Variants in TSN observed in about 807,000 individuals in gnomAD.
TSN encodes translin, also known as component 3 of promoter of RISC.
A neutral mutation model predicts 29.4 loss-of-function variants in TSN; 5 were observed. That is an observed-to-expected ratio of 0.17 (90% CI 0.09 to 0.36). TSN has a LOEUF of 0.36. Among genes scored for constraint, TSN ranks in the 10% least tolerant of loss-of-function variants. The pLI is 1.00. For synonymous variants in TSN, 106 were observed against 102.2 expected (o/e 1.04, Z -0.23); for missense variants, 159 against 272.8 (o/e 0.58, Z 2.94).
At chr2:121,756,136 A>G (rs1237147930) in intron 1 of TSN, 3 of 496,440 alleles carry the variant, frequency 6.0e-6, no homozygotes, top group Non-Finnish European at 1.1e-5. Context: ...CCTGGTCTTC[A>G]GCGAATGAGC....
At chr2:121,764,097 C>G (rs2074871358) in intron 5 of TSN, among the ~76,000 whole-genome samples, 1 of 152,186 alleles carries the variant, frequency 6.6e-6, no homozygotes. Flanking sequence ...GTACACACAA[C>G]TTCTGTTAAC....
intron 3 of TSN, 97 bp from the exon 4 acceptor site, chr2:121,761,312 A>G: frequency 1.3e-6 from 1 of 777,748 alleles, no homozygotes; most frequent in Non-Finnish European, 2.2e-6. Flanking sequence ...TATTTGAAAA[A>G]TGATCGCATT....
At chr2:121,763,146 T>TTC in intron 5 of TSN, 62 bp downstream of exon 5, 2 of 1,318,298 alleles carry the variant, frequency 1.5e-6, no homozygotes, top group East Asian at 2.5e-5. Context: ...AGTTTTTTTT[T>TTC]TTTTTTTTTT....
At position 121,766,717 on chromosome 2, in the gene TSN, A is replaced by G. The variant is rs2074907667; in HGVS notation, c.*1350A>G. ...AGTTATTTTGCACCCACTGAAAGGAAAGTGCTTTCCAGAATAATATGAAGT... is the reference window on the plus strand; with the variant it reads ...AGTTATTTTGCACCCACTGAAAGGAGAGTGCTTTCCAGAATAATATGAAGT... On this transcript the variant is annotated 3_prime_UTR_variant, in exon 6 of 6. Coordinates refer to ENST00000389682, the MANE Select transcript of TSN (RefSeq NM_004622.3). 1 of 152,236 alleles carries G rather than the reference A, an allele frequency of 6.6e-6. No individual in the cohort carries two copies. Among genetic ancestry groups the G allele is most frequent in the South Asian group, 2.1e-4 (1 of 4,836 alleles). The allele number at this position is 152,236 out of a possible 1,614,324, so 9.4% of individuals were successfully genotyped here.
In TSN at chr2:121,763,387, C is replaced by T. The variant is rs113342008; in HGVS notation, c.453+303C>T. 7.9e-3 allele frequency among the ~76,000 whole-genome samples: 1,204 copies of T among 152,196 alleles called. 21 individuals are homozygous for T. The highest frequency in any genetic ancestry group is 0.039 in the Admixed American group (601 of 15,276). ...GTCTCGATCTCCTGACCTCGTGATC[C>T]GCCCACCTTGGCCTCCCAGAGTGCT... On this transcript the variant is annotated intron_variant, in intron 5 of 5. Transcript: ENST00000389682.
At chr2:121,757,364 G>A (rs1156651691) in intron 2 of TSN, 31 bp downstream of exon 2, 2 of 1,613,530 alleles carry the variant, frequency 1.2e-6, no homozygotes, top group South Asian at 2.2e-5. Context: ...CCAATTATCA[G>A]TCTCTTATTT....
chr2:121,761,627 C>G, intron 4 of TSN, 103 bp downstream of exon 4: 1 of 854,802 alleles, frequency 1.2e-6, no homozygotes, highest in Non-Finnish European at 2.0e-6. Flanking sequence ...CAAGAATTAA[C>G]TAAAAACCAC....
intron 1 of TSN, chr2:121,756,768 G>C (rs2074755239): frequency 4.6e-6 from 2 of 435,968 alleles, no homozygotes; most frequent in African/African-American, 4.3e-5. Context: ...CATTAACTGG[G>C]CATGGTTGCG....
In TSN at chr2:121,767,655, G is replaced by A. The variant is rs368810580; in HGVS notation, c.*2288G>A. On this transcript the variant is annotated 3_prime_UTR_variant, in exon 6 of 6. Transcript: ENST00000389682. ...GAAGAGAACCAGCCATATACACTTG[G>A]GGAGATTTGCCACATCTTAAACTTG... is the stretch of plus-strand genomic sequence containing the variant. 1.3e-5 allele frequency: 2 copies of A among 152,036 alleles called. No individual in the cohort carries two copies. Among genetic ancestry groups the A allele is most frequent in the East Asian group, 3.9e-4 (2 of 5,160 alleles). 9.4% of individuals were successfully genotyped at this position (152,036 alleles called of 1,614,324 possible). A position where few individuals can be genotyped will look rare whatever the true frequency, so the allele number is the denominator to read the frequency against.
chr2:121,756,427 G>T, intron 1 of TSN: 1 of 249,200 alleles, frequency 4.0e-6, no homozygotes, highest in Non-Finnish European at 8.8e-6. Context: ...CAGTCTAAGC[G>T]ATCTATTTCC....
intron 4 of TSN, among the ~76,000 whole-genome samples, chr2:121,762,759 A>T (rs1288991652): frequency 6.6e-6 from 1 of 152,222 alleles, no homozygotes; most frequent in Non-Finnish European, 1.5e-5. Context: ...CAAGAAGTAT[A>T]TTCTGTGACA....
chr2:121,764,340 T>TA (rs2074874723), intron 5 of TSN, among the ~76,000 whole-genome samples: 1 of 152,286 alleles, frequency 6.6e-6, no homozygotes, highest in East Asian at 1.9e-4. Flanking sequence ...CACAGTCGCT[T>TA]ACGCTTGTAA....
intron 1 of TSN, chr2:121,756,444 GTT>G (rs2074749303): frequency 8.0e-6 from 2 of 251,218 alleles, no homozygotes; most frequent in African/African-American, 4.8e-5. Context: ...TTCCTGTTAT[GTT>G]TTCTAGTAGC....
At chr2:121,756,095 G>T in intron 1 of TSN, 1 of 732,990 alleles carries the variant, frequency 1.4e-6, no homozygotes, top group Non-Finnish European at 2.1e-6. Context: ...CTTCTTTTCA[G>T]CACTTGTTTA....
Position 121,760,452 on chromosome 2 carries a change from TG to T in TSN, c.258-955del, listed in dbSNP as rs1332037696. On this transcript the variant is annotated intron_variant, in intron 3 of 5. Transcript: ENST00000389682. ...TGGGGTCTTTAGAGACCATCTTCTC[TG>T]GAGGTCACACACAGGCTGCCCTCTG... Among the ~76,000 whole-genome samples the T allele has an allele frequency of 2.0e-5, 3 of 152,206 alleles. No individual in the cohort carries two copies. The East Asian group carries it at 5.8e-4, about 29-fold the overall frequency.
At chr2:121,759,919 G>T (rs1435186300) in intron 3 of TSN, among the ~76,000 whole-genome samples, 1 of 152,160 alleles carries the variant, frequency 6.6e-6, no homozygotes, top group African/African-American at 2.4e-5. Context: ...TCCCAGATAA[G>T]AATATGTAAC....
chr2:121,765,320 A>C lies in TSN; in HGVS notation c.640A>C (p.Ile214Leu). ...AGAGGAAGTGGTCTATGATCTCTCC[A>C]TCCGGGGCTTTAATAAGGAGACGGC... ...KVEEVVYDLS[I>L]RGFNKETAAA... The change falls in exon 6 of 6, where the codon ATC becomes CTC. Residue 214 changes from isoleucine (I) to leucine (L), a missense_variant. Transcript: ENST00000389682. 6.2e-7 allele frequency: 1 copy of C among 1,614,242 alleles called. No homozygotes were observed. Among genetic ancestry groups the C allele is most frequent in the Non-Finnish European group, 8.5e-7 (1 of 1,180,040 alleles).
chr2:121,756,642 T>G (rs750680461), intron 1 of TSN: 2 of 1,297,950 alleles, frequency 1.5e-6, no homozygotes, highest in African/African-American at 3.1e-5. Context: ...CGGCGCCTCA[T>G]GCCTGTAATT....
chr2:121,755,886 C>T lies in TSN; in HGVS notation c.66+41C>T, dbSNP rs760616742. 3.1e-6 allele frequency: 5 copies of T among 1,612,528 alleles called. No individual in the cohort carries two copies. The African/African-American group carries it at 5.3e-5, about 17-fold the overall frequency. ...TCCCCATTCCCTTTGCCTTTCCATGCCTAGTTGGGCCACTTCGCCCGGCCC... is the reference window on the plus strand; with the variant it reads ...TCCCCATTCCCTTTGCCTTTCCATGTCTAGTTGGGCCACTTCGCCCGGCCC... On this transcript the variant is annotated intron_variant, in intron 1 of 5. Transcript: ENST00000389682.
Sources: gnomAD v4.1 joint callset for allele counts (sites outside exome capture counted in the v4.1 genomes callset) on GRCh38, gnomAD v4.1.1 for gene constraint, MANE v1.5 for transcripts, NCBI Gene and HGNC (gene_info 2026-07-23, HGNC 2026-07-21) for gene names.